FBXL7: variants seen among roughly 807,000 people sequenced by gnomAD.
FBXL7 encodes the protein F-box/LRR-repeat protein 7.
Under a neutral mutation model 38.3 loss-of-function variants are expected in FBXL7, and 12 were observed. The ratio of observed to expected loss-of-function variants is 0.31; its 90% CI spans 0.20 to 0.51. FBXL7 has a LOEUF of 0.51. FBXL7 is among the 20% of genes least tolerant of loss of function. FBXL7 has a pLI of 0.98. For synonymous variants in FBXL7, 297 were observed against 300.9 expected (o/e 0.99, Z 0.13); for missense variants, 567 against 676.4 (o/e 0.84, Z 1.79).
intron 2 of FBXL7, among the ~76,000 whole-genome samples, chr5:15,902,733 A>C (rs1320630250): frequency 1.3e-5 from 2 of 152,248 alleles, no homozygotes. Context: ...TGGTTCAGCA[A>C]GTCCTCCAAA....
At chr5:15,615,382 T>C (rs11748066) in intron 1 of FBXL7, among the ~76,000 whole-genome samples, 25,571 of 152,204 alleles carry the variant, frequency 0.17, 2,249 homozygotes, top group Non-Finnish European at 0.18. Flanking sequence ...CCTGGCTCAT[T>C]TGTGACAACC....
In FBXL7 at chr5:15,625,953, G is replaced by A. The variant is rs536308016; in HGVS notation, c.127+9881G>A. 9.5e-4 allele frequency among the ~76,000 whole-genome samples: 145 copies of A among 152,254 alleles called. 1 individual carries two copies. Among genetic ancestry groups the A allele is most frequent in the Middle Eastern group, 3.4e-3 (1 of 294 alleles). On this transcript the variant is annotated intron_variant, in intron 2 of 3. Transcript: ENST00000504595. ...ATCTCTTAAAAAATAGTGCTAAAAT[G>A]ACAACTATTGCGTGGGGGGCCTTAA... is the stretch of plus-strand genomic sequence containing the variant.
chr5:15,781,666 A>G (rs1736996571), intron 2 of FBXL7, among the ~76,000 whole-genome samples: 1 of 151,502 alleles, frequency 6.6e-6, no homozygotes, highest in African/African-American at 2.4e-5. Context: ...TTTGCACCAT[A>G]GTTTGATTTT....
chr5:15,639,979 A>G (rs954757506), intron 2 of FBXL7, among the ~76,000 whole-genome samples: 1 of 152,128 alleles, frequency 6.6e-6, no homozygotes, highest in Non-Finnish European at 1.5e-5. Context: ...AGGCAGGGGC[A>G]GTTATCCTAG....
At chr5:15,560,228 A>G (rs1481057503) in intron 1 of FBXL7, among the ~76,000 whole-genome samples, 1 of 152,158 alleles carries the variant, frequency 6.6e-6, no homozygotes, top group Non-Finnish European at 1.5e-5. Flanking sequence ...ATAATACTTA[A>G]TATTTCTTCT....
intron 2 of FBXL7, among the ~76,000 whole-genome samples, chr5:15,715,256 G>C (rs1032052344): frequency 6.6e-6 from 1 of 152,184 alleles, no homozygotes; most frequent in Admixed American, 6.5e-5. Flanking sequence ...ACTTTGGGAG[G>C]CCGAGGCAGG....
chr5:15,809,488 T>C (rs1394348773), intron 2 of FBXL7, among the ~76,000 whole-genome samples: 3 of 152,142 alleles, frequency 2.0e-5, no homozygotes, highest in African/African-American at 2.4e-5. Flanking sequence ...ATAAATTTGA[T>C]AGGGGATACG....
intron 2 of FBXL7, among the ~76,000 whole-genome samples, chr5:15,711,784 A>C (rs771886635): frequency 8.5e-5 from 13 of 152,212 alleles, no homozygotes; most frequent in African/African-American, 1.9e-4. Context: ...AATCTCAAAG[A>C]ATCAAAATTC....
intron 2 of FBXL7, among the ~76,000 whole-genome samples, chr5:15,720,115 G>C (rs1233635644): frequency 6.7e-6 from 1 of 149,114 alleles, no homozygotes; most frequent in Non-Finnish European, 1.5e-5. Context: ...ATTGCTGTGC[G>C]TAAAATAGGA....
chr5:15,676,905 CCAGT>C (rs1742673631), intron 2 of FBXL7, among the ~76,000 whole-genome samples: 1 of 152,208 alleles, frequency 6.6e-6, no homozygotes, highest in South Asian at 2.1e-4. Flanking sequence ...TGGGAAATCT[CCAGT>C]CAAACACTCC....
At chr5:15,817,471 G>A (rs1371886784) in intron 2 of FBXL7, among the ~76,000 whole-genome samples, 1 of 152,116 alleles carries the variant, frequency 6.6e-6, no homozygotes, top group East Asian at 1.9e-4. Flanking sequence ...TTAGAGATTG[G>A]ATACTGACAG....
intron 2 of FBXL7, among the ~76,000 whole-genome samples, chr5:15,626,789 CATT>C (rs755979838): frequency 6.6e-5 from 10 of 152,128 alleles, no homozygotes; most frequent in Non-Finnish European, 1.2e-4. Flanking sequence ...CAGCCATAGA[CATT>C]ATGGTTCATC....
intron 2 of FBXL7, among the ~76,000 whole-genome samples, chr5:15,672,112 G>C (rs1162887350): frequency 6.6e-6 from 1 of 152,132 alleles, no homozygotes; most frequent in Non-Finnish European, 1.5e-5. Flanking sequence ...GTCAATGAAA[G>C]GAGCCTCTGC....
intron 1 of FBXL7, among the ~76,000 whole-genome samples, chr5:15,516,742 G>A (rs1054631276): frequency 6.6e-6 from 1 of 152,084 alleles, no homozygotes; most frequent in South Asian, 2.1e-4. Flanking sequence ...TGCTGTTCTC[G>A]TGATAGTGAG....
At chr5:15,780,820 G>A (rs191233479) in intron 2 of FBXL7, among the ~76,000 whole-genome samples, 1 of 152,268 alleles carries the variant, frequency 6.6e-6, no homozygotes, top group East Asian at 1.9e-4. Context: ...ACAAACCAGA[G>A]CAGGCATTGA....
intron 2 of FBXL7, among the ~76,000 whole-genome samples, chr5:15,850,449 T>G (rs564076690): frequency 1.3e-5 from 2 of 152,204 alleles, no homozygotes; most frequent in South Asian, 4.1e-4. Flanking sequence ...TATTGCCAGG[T>G]AAATCAGCCC....
At chr5:15,732,537 G>C (rs1276579488) in intron 2 of FBXL7, among the ~76,000 whole-genome samples, 4 of 152,184 alleles carry the variant, frequency 2.6e-5, no homozygotes, top group Admixed American at 2.6e-4. Context: ...CAGCATGTGG[G>C]ATGCAGAATG....
chr5:15,766,674 T>C (rs1438085896), intron 2 of FBXL7, among the ~76,000 whole-genome samples: 1 of 152,358 alleles, frequency 6.6e-6, no homozygotes, highest in Admixed American at 6.5e-5. Context: ...TATTCTTCTT[T>C]AAAACATATT....
intron 1 of FBXL7, among the ~76,000 whole-genome samples, chr5:15,516,945 C>T (rs1736957469): frequency 6.6e-6 from 1 of 152,164 alleles, no homozygotes; most frequent in Non-Finnish European, 1.5e-5. Context: ...ATTACCTAGT[C>T]TTGGGTATGT....
Sources: gnomAD v4.1 joint callset for allele counts (sites outside exome capture counted in the v4.1 genomes callset) on GRCh38, gnomAD v4.1.1 for gene constraint, MANE v1.5 for transcripts, NCBI Gene and HGNC (gene_info 2026-07-23, HGNC 2026-07-21) for gene names.